Variants in POT1 observed in about 807,000 individuals in gnomAD.
POT1 encodes the protein protection of telomeres 1.
POT1 carries 47 observed loss-of-function variants against 78.5 expected under a neutral mutation model. That is an observed-to-expected ratio of 0.60 (90% CI 0.47 to 0.76). POT1 has a LOEUF of 0.76. POT1 is among the 30% of genes least tolerant of loss of function. The pLI is 0.00. For missense variants in POT1, 646 were observed against 749.9 expected (o/e 0.86, Z 1.62); for synonymous variants, 259 against 260.7 (o/e 0.99, Z 0.06).
intron 11 of POT1, 36 bp downstream of exon 11, chr7:124,851,836 A>C: frequency 7.4e-7 from 1 of 1,357,216 alleles, no homozygotes; most frequent in Non-Finnish European, 1.1e-6. Context: ...TTTATTTAGC[A>C]AGAACTAAAC....
intron 15 of POT1, among the ~76,000 whole-genome samples, chr7:124,832,400 G>T (rs1794788861): frequency 1.3e-5 from 2 of 151,482 alleles, no homozygotes; most frequent in Non-Finnish European, 1.5e-5. Context: ...ATAAAAAGAA[G>T]AATCAATTAA....
At chr7:124,848,430 C>G (rs375409802) in intron 11 of POT1, 1 of 152,074 alleles carries the variant, frequency 6.6e-6, no homozygotes, top group African/African-American at 2.4e-5. Context: ...TTTAGGAGGC[C>G]GAGGCGGGCA....
intron 11 of POT1, among the ~76,000 whole-genome samples, chr7:124,847,778 A>C (rs1416055674): frequency 6.6e-6 from 1 of 152,206 alleles, no homozygotes; most frequent in African/African-American, 2.4e-5. Flanking sequence ...TTTTTTACTA[A>C]AGCAGCAAAG....
At chr7:124,902,029 A>G (rs561934251) in intron 3 of POT1, among the ~76,000 whole-genome samples, 109 of 152,312 alleles carry the variant, frequency 7.2e-4, no homozygotes, top group African/African-American at 2.5e-3. Context: ...GACTATAAGA[A>G]AAGACCAAAT....
intron 2 of POT1, among the ~76,000 whole-genome samples, chr7:124,920,030 T>C (rs1285049161): frequency 6.8e-6 from 1 of 147,948 alleles, no homozygotes; most frequent in African/African-American, 2.5e-5. Flanking sequence ...TCTAGAGAAG[T>C]GTAGCATGCC....
At chr7:124,916,968 G>A (rs1216577750) in intron 2 of POT1, among the ~76,000 whole-genome samples, 1 of 151,100 alleles carries the variant, frequency 6.6e-6, no homozygotes, top group African/African-American at 2.5e-5. Flanking sequence ...GCTGGGAGAA[G>A]GGCAAAAAAA....
chr7:124,835,494 G>A, intron 14 of POT1, 80 bp from the exon 15 acceptor site: 1 of 1,436,536 alleles, frequency 7.0e-7, no homozygotes, highest in Non-Finnish European at 9.5e-7. Context: ...AACGTGTGAG[G>A]TATAATAAAA....
intron 6 of POT1, among the ~76,000 whole-genome samples, chr7:124,881,149 T>C (rs1189956181): frequency 6.6e-6 from 1 of 151,644 alleles, no homozygotes; most frequent in East Asian, 1.9e-4. Context: ...CGAGTGTACT[T>C]ACACAAGCCC....
chr7:124,909,363 T>A lies in POT1; in HGVS notation c.-154+6211A>T, dbSNP rs1453748588. Among the ~76,000 whole-genome samples, 5 of 151,912 alleles carry A rather than the reference T, an allele frequency of 3.3e-5. No homozygotes were observed. In the East Asian group the frequency reaches 9.6e-4, roughly 29 times the overall value. ...TAAAATTCATTTTAGTGTTTTAGGATTATTGTATTCAAATACAACGCTACC... is the reference window on the plus strand; with the variant it reads ...TAAAATTCATTTTAGTGTTTTAGGAATATTGTATTCAAATACAACGCTACC... On this transcript the variant is annotated intron_variant, in intron 3 of 18. Transcript: ENST00000357628.
rs1425527047 is a variant in POT1 at position 124,890,140 on chromosome 7, G to A, written c.124+2126C>T. Among the ~76,000 whole-genome samples the A allele has an allele frequency of 3.3e-5, 5 of 151,920 alleles. No homozygotes were observed. In the South Asian group the frequency reaches 8.3e-4, roughly 25 times the overall value. ...CAAAATCCAACATCAACAGGGGTTT[G>A]GAAAAAGTTAATTCCAACCCTCACA... On this transcript the variant is annotated intron_variant, in intron 6 of 18. Coordinates refer to ENST00000357628, the MANE Select transcript of POT1 (RefSeq NM_015450.3).
At chr7:124,912,547 A>C (rs1393242807) in intron 3 of POT1, among the ~76,000 whole-genome samples, 2 of 151,946 alleles carry the variant, frequency 1.3e-5, no homozygotes, top group Non-Finnish European at 2.9e-5. Context: ...TCTCCATAGC[A>C]CTGTTTCCAA....
At chr7:124,876,560 G>A (rs1009170747) in intron 6 of POT1, among the ~76,000 whole-genome samples, 1 of 152,076 alleles carries the variant, frequency 6.6e-6, no homozygotes, top group Non-Finnish European at 1.5e-5. Flanking sequence ...ATCTGGATAT[G>A]GTGCACCTGC....
chr7:124,880,480 T>C (rs1397155214), intron 6 of POT1, among the ~76,000 whole-genome samples: 1 of 152,122 alleles, frequency 6.6e-6, no homozygotes, highest in Non-Finnish European at 1.5e-5. Context: ...TTAGCCAAGA[T>C]GAACTGACAA....
intron 6 of POT1, 23 bp from the exon 7 acceptor site, chr7:124,871,064 A>G: frequency 1.3e-6 from 2 of 1,549,802 alleles, no homozygotes; most frequent in South Asian, 2.5e-5. Context: ...AAAATATTTT[A>G]CCTGACTTTC....
intron 15 of POT1, among the ~76,000 whole-genome samples, chr7:124,830,506 G>C (rs1171410729): frequency 6.6e-6 from 1 of 151,758 alleles, no homozygotes; most frequent in African/African-American, 2.4e-5. Flanking sequence ...TATTGCCTAA[G>C]AAAAAGACTA....
rs1795721945 is a variant in POT1 at position 124,866,283 on chromosome 7, C to T, written c.256-2643G>A. ...AATAGGCCTTACTATAAGATGTGGTCCTTCGTGAGGTGAGCTACTTTTGGG... is the reference window on the plus strand; with the variant it reads ...AATAGGCCTTACTATAAGATGTGGTTCTTCGTGAGGTGAGCTACTTTTGGG... On this transcript the variant is annotated intron_variant, in intron 7 of 18. Transcript: ENST00000357628. Among the ~76,000 whole-genome samples, 6 of 133,902 alleles carry T rather than the reference C, an allele frequency of 4.5e-5. No individual in the cohort carries two copies. The South Asian group carries it at 1.5e-3, about 34-fold the overall frequency. The allele number at this position is 133,902 out of a possible 152,430, so 87.8% of individuals were successfully genotyped here.
At chr7:124,835,242 T>TAAACAAAACAAAACA (rs66826272) in intron 15 of POT1, 37 bp downstream of exon 15, 14 of 1,577,316 alleles carry the variant, frequency 8.9e-6, no homozygotes, top group South Asian at 4.5e-5. Context: ...AAAAGTATAA[T>TAAACAAAACAAAACA]AAACAAAACA....
intron 6 of POT1, among the ~76,000 whole-genome samples, chr7:124,879,080 CT>C (rs1397941827): frequency 6.6e-6 from 1 of 152,108 alleles, no homozygotes; most frequent in Non-Finnish European, 1.5e-5. Context: ...AACTCTTCCT[CT>C]GAAAATACTA....
intron 7 of POT1, among the ~76,000 whole-genome samples, chr7:124,870,619 T>C (rs932529474): frequency 1.3e-5 from 2 of 152,138 alleles, no homozygotes; most frequent in Non-Finnish European, 2.9e-5. Flanking sequence ...AATCTACAGA[T>C]AAAACTTCTA....
Sources: gnomAD v4.1 joint callset for allele counts (sites outside exome capture counted in the v4.1 genomes callset) on GRCh38, gnomAD v4.1.1 for gene constraint, MANE v1.5 for transcripts, NCBI Gene and HGNC (gene_info 2026-07-23, HGNC 2026-07-21) for gene names.